The following ADAMTS17 variants were observed in gnomAD, a reference collection of about 807,000 sequenced individuals.
ADAMTS17 encodes the protein ADAM metallopeptidase with thrombospondin type 1 motif 17, also known as A disintegrin and metalloproteinase with thrombospondin motifs 17.
ADAMTS17 carries 113 observed loss-of-function variants against 141.5 expected under a neutral mutation model. That is an observed-to-expected ratio of 0.80 (90% CI 0.69 to 0.93). ADAMTS17 has a LOEUF of 0.93. Ranked by LOEUF, ADAMTS17 falls within the 40% of genes least tolerant of loss-of-function variation. The pLI, the probability that ADAMTS17 is intolerant of heterozygous loss-of-function variation, is 0.00. For missense variants in ADAMTS17, 1,659 were observed against 1,517.9 expected (o/e 1.09, Z -1.54); for synonymous variants, 768 against 630.6 (o/e 1.22, Z -3.27).
At chr15:100,071,100 G>C (rs1448594754) in intron 15 of ADAMTS17, among the ~76,000 whole-genome samples, 1 of 150,264 alleles carries the variant, frequency 6.7e-6, no homozygotes, top group Non-Finnish European at 1.5e-5. Flanking sequence ...TGCCATCAGA[G>C]ATACCATAAA....
chr15:100,096,003 G>A (rs969872022), intron 15 of ADAMTS17, among the ~76,000 whole-genome samples: 1 of 152,212 alleles, frequency 6.6e-6, no homozygotes, highest in African/African-American at 2.4e-5. Flanking sequence ...TCCATCGACA[G>A]GTAAAATGAT....
intron 4 of ADAMTS17, among the ~76,000 whole-genome samples, chr15:100,280,079 G>C (rs28640015): frequency 0.1 from 15,669 of 151,988 alleles, 837 homozygotes; most frequent in African/African-American, 0.13. Flanking sequence ...TACTCACTCC[G>C]CTACTTCAGC....
In ADAMTS17 at chr15:100,109,006, C is replaced by A. The variant is rs748878355; in HGVS notation, c.1999G>T (p.Val667Leu). 6.2e-7 allele frequency: 1 copy of A among 1,614,078 alleles called. No individual in the cohort carries two copies. Among genetic ancestry groups the A allele is most frequent in the East Asian group, 2.2e-5 (1 of 44,872 alleles). Residue 667 changes from valine (V) to leucine (L), a missense_variant, in exon 14 of 22, where the codon GTG becomes TTG. Coordinates refer to ENST00000268070, the MANE Select transcript of ADAMTS17 (RefSeq NM_139057.4). ...TACGTCACCTGGCACTTGCCGTGCA[C>A]GCAGAGATCAGTCTCGTAGGGCCCG... Reference protein sequence around the residue: ...PCGPYETDLCVHGKCQKIGCD... With the variant: ...PCGPYETDLCLHGKCQKIGCD...
chr15:100,087,655 T>C (rs559546923), intron 15 of ADAMTS17, among the ~76,000 whole-genome samples: 1 of 152,324 alleles, frequency 6.6e-6, no homozygotes, highest in South Asian at 2.1e-4. Context: ...CAAGTGGGCT[T>C]CATTCCTGGG....
At chr15:100,056,599 T>C (rs935671961) in intron 15 of ADAMTS17, among the ~76,000 whole-genome samples, 3 of 152,188 alleles carry the variant, frequency 2.0e-5, no homozygotes, top group Non-Finnish European at 4.4e-5. Flanking sequence ...ACTTCTGATC[T>C]GACAGGAGGC....
At chr15:100,011,350 AGG>A (rs371533644) in intron 18 of ADAMTS17, among the ~76,000 whole-genome samples, 16 of 2,600 alleles carry the variant, frequency 6.2e-3, no homozygotes, top group Admixed American at 0.016. Flanking sequence ...GGAAAGGAGG[AGG>A]GACGGGAGGG....
At chr15:100,321,447 C>G (rs1309773065) in intron 3 of ADAMTS17, among the ~76,000 whole-genome samples, 1 of 152,186 alleles carries the variant, frequency 6.6e-6, no homozygotes, top group African/African-American at 2.4e-5. Flanking sequence ...ATATATCTTA[C>G]TTTTAAGAAA....
At chr15:100,304,434 C>G (rs1440914277) in intron 3 of ADAMTS17, among the ~76,000 whole-genome samples, 1 of 152,212 alleles carries the variant, frequency 6.6e-6, no homozygotes, top group East Asian at 1.9e-4. Flanking sequence ...TAAATTCATT[C>G]TGACTACAAC....
intron 18 of ADAMTS17, among the ~76,000 whole-genome samples, chr15:100,019,517 C>A (rs182205283): frequency 2.8e-4 from 43 of 152,168 alleles, no homozygotes; most frequent in African/African-American, 9.9e-4. Context: ...TATGTACTAA[C>A]TGACCTTGGC....
chr15:100,324,070 C>A (rs11636929), intron 3 of ADAMTS17, among the ~76,000 whole-genome samples: 1 of 150,938 alleles, frequency 6.6e-6, no homozygotes, highest in African/African-American at 2.4e-5. Flanking sequence ...TTTGGGAGGC[C>A]GAGGCAGGCA....
At chr15:100,053,438 T>C (rs1045918984) in intron 16 of ADAMTS17, among the ~76,000 whole-genome samples, 2 of 152,178 alleles carry the variant, frequency 1.3e-5, no homozygotes, top group Non-Finnish European at 2.9e-5. Context: ...GCTGGGTCTG[T>C]GAAACCTGAG....
At chr15:100,004,464 G>A (rs1328712240) in intron 18 of ADAMTS17, among the ~76,000 whole-genome samples, 2 of 152,132 alleles carry the variant, frequency 1.3e-5, no homozygotes, top group African/African-American at 2.4e-5. Context: ...CAGTAATTTG[G>A]GAAAGGAACT....
intron 18 of ADAMTS17, among the ~76,000 whole-genome samples, chr15:100,026,283 T>A (rs754920642): frequency 2.6e-5 from 4 of 152,272 alleles, no homozygotes; most frequent in Non-Finnish European, 4.4e-5. Flanking sequence ...AATCCATCCA[T>A]TGTACTGTGG....
In ADAMTS17 at chr15:100,110,558, C is replaced by T. The variant is rs571080457; in HGVS notation, c.1889-1442G>A. On this transcript the variant is annotated intron_variant, in intron 13 of 21. Transcript: ENST00000268070. ...GGATTATAGAAGTGAGCCACCGCGC[C>T]CCGCAAGACTCAGTATATATTTTTG... Among the ~76,000 whole-genome samples the T allele has an allele frequency of 4.6e-5, 7 of 152,094 alleles. No individual in the cohort carries two copies. The South Asian group carries it at 1.5e-3, about 32-fold the overall frequency.
intron 8 of ADAMTS17, among the ~76,000 whole-genome samples, chr15:100,197,708 C>A (rs1470352253): frequency 6.6e-6 from 1 of 152,156 alleles, no homozygotes; most frequent in Admixed American, 6.5e-5. Context: ...CACATAACAT[C>A]ATTTCCACTC....
intron 20 of ADAMTS17, among the ~76,000 whole-genome samples, chr15:99,990,754 T>G (rs2141320443): frequency 6.6e-6 from 1 of 152,284 alleles, no homozygotes; most frequent in East Asian, 1.9e-4. Flanking sequence ...AAACCCATTT[T>G]TCCTTCCGTA....
In ADAMTS17 at chr15:99,993,156, C is replaced by T. The variant is rs149751208; in HGVS notation, c.2841G>A (p.Ala947=). Residue 947 remains alanine, a synonymous_variant, in exon 20 of 22, where the codon GCG becomes GCA. Coordinates refer to ENST00000268070, the MANE Select transcript of ADAMTS17 (RefSeq NM_139057.4). This position sits in a 1 kb window ranked among gnomAD's most constrained non-coding sequence, Gnocchi z 4.3. ...CGKGVWKRTV[A]CTNSQGKCDA... Reference sequence around the variant, plus strand: ...CGCATTTCCCTTGTGAGTTGGTGCACGCCACGGTCCGTTTCCACACCCCTT... The same window carrying T: ...CGCATTTCCCTTGTGAGTTGGTGCATGCCACGGTCCGTTTCCACACCCCTT... 36 of 1,614,062 alleles carry T rather than the reference C, an allele frequency of 2.2e-5. No individual in the cohort carries two copies. The highest frequency in any genetic ancestry group is 1.0e-4 in the Admixed American group (6 of 60,000).
At chr15:100,203,115 G>A (rs1367985715) in intron 7 of ADAMTS17, among the ~76,000 whole-genome samples, 1 of 152,198 alleles carries the variant, frequency 6.6e-6, no homozygotes, top group African/African-American at 2.4e-5. Context: ...TCCCTTGCTT[G>A]GCAGGCATGA....
rs148258011 is a variant in ADAMTS17, at chr15:99,973,938, G to A, written c.*464C>T. ...GCCCGGCCCTCCCCAGAGAAGCCAC[G>A]GGCAGAGGCTCACCAACACCTGCCC... On this transcript the variant is annotated 3_prime_UTR_variant, in exon 22 of 22. Transcript: ENST00000268070. The A allele has an allele frequency of 1.7e-4, 42 of 240,154 alleles. No homozygotes were observed. The East Asian group carries it at 4.1e-3, about 23-fold the overall frequency. 14.9% of individuals were successfully genotyped at this position (240,154 alleles called of 1,614,324 possible).
Sources: allele counts gnomAD v4.1 joint callset (sites outside exome capture counted in the v4.1 genomes callset), GRCh38; gene constraint gnomAD v4.1.1; non-coding constraint Gnocchi (gnomAD v3.1); transcripts MANE v1.5; gene names NCBI Gene and HGNC (gene_info 2026-07-23, HGNC 2026-07-21).